The following RYR3 variants were observed in gnomAD, a reference collection of about 807,000 sequenced individuals.
The protein encoded by RYR3 is brain ryanodine receptor-calcium release channel.
Under a neutral mutation model 584.3 loss-of-function variants are expected in RYR3, and 207 were observed. The ratio of observed to expected loss-of-function variants is 0.35; its 90% CI spans 0.32 to 0.40. The LOEUF is 0.40. RYR3 is among the 10% of genes least tolerant of loss of function. RYR3 has a pLI of 1.00. For synonymous variants in RYR3, 2,416 were observed against 2,248.5 expected, an observed-to-expected ratio of 1.07 and a Z score of -2.11; for missense variants, 5,616 against 6,089.2, an observed-to-expected ratio of 0.92 and a Z score of 2.59.
chr15:33,316,862 G>A (rs566126376), intron 1 of RYR3, among the ~76,000 whole-genome samples: 1 of 152,300 alleles, frequency 6.6e-6, no homozygotes, highest in African/African-American at 2.4e-5. Context: ...CTTTGTTGCG[G>A]GTCCTTCCCT....
chr15:33,704,410 G>T (rs2066536632), intron 42 of RYR3, among the ~76,000 whole-genome samples: 1 of 152,188 alleles, frequency 6.6e-6, no homozygotes, highest in South Asian at 2.1e-4. Flanking sequence ...AGAGGGAAAT[G>T]TTAGAAGTTG....
rs139547606 is a variant in RYR3 at position 33,537,695 on chromosome 15, C to T, written c.434-1655C>T. Among the ~76,000 whole-genome samples the T allele has an allele frequency of 4.5e-3, 678 of 152,248 alleles. 5 individuals carry two copies. The highest frequency in any genetic ancestry group is 9.5e-3 in the South Asian group (46 of 4,828). On this transcript the variant is annotated intron_variant, in intron 5 of 103. Transcript: ENST00000634891. ...TGCCTTGGTGTCTGAAATTCCACAG[C>T]GATGTGTCTTGGCGTGGCCTCTTTC...
intron 64 of RYR3, among the ~76,000 whole-genome samples, chr15:33,779,385 A>G (rs1339568448): frequency 6.6e-6 from 1 of 152,154 alleles, no homozygotes; most frequent in South Asian, 2.1e-4. Flanking sequence ...TATTTGTACA[A>G]AAGAGGGAAA....
At chr15:33,510,378 C>T (rs548008859) in intron 3 of RYR3, among the ~76,000 whole-genome samples, 114 of 152,324 alleles carry the variant, frequency 7.5e-4, no homozygotes, top group African/African-American at 2.6e-3. Flanking sequence ...CACGTCACTT[C>T]CTCTGGTGTG....
intron 24 of RYR3, among the ~76,000 whole-genome samples, chr15:33,633,912 C>G (rs1332048954): frequency 2.6e-5 from 4 of 152,194 alleles, no homozygotes; most frequent in Admixed American, 2.0e-4. Flanking sequence ...GCTATAGCAA[C>G]TTAAATCATG....
intron 13 of RYR3, 143 bp downstream of exon 13, chr15:33,580,287 G>A: frequency 1.4e-6 from 1 of 711,420 alleles, no homozygotes; most frequent in Non-Finnish European, 2.3e-6. Context: ...CTGGGAAATT[G>A]GAAGCCAACC....
intron 103 of RYR3, among the ~76,000 whole-genome samples, 179 bp downstream of exon 103, chr15:33,864,368 A>C (rs1345106091): frequency 6.6e-6 from 1 of 151,636 alleles, no homozygotes; most frequent in African/African-American, 2.4e-5. Context: ...CCTTCCCAAC[A>C]AACACTGACA....
At chr15:33,697,651 T>C (rs536384687) in intron 39 of RYR3, among the ~76,000 whole-genome samples, 1 of 152,260 alleles carries the variant, frequency 6.6e-6, no homozygotes, top group African/African-American at 2.4e-5. Context: ...CAGAAAGAAA[T>C]GTTTCAAAGA....
intron 1 of RYR3, among the ~76,000 whole-genome samples, chr15:33,385,710 C>CTTTTTTTTTTTTTTTTTTTT (rs10682215): frequency 7.6e-6 from 1 of 131,402 alleles, no homozygotes; most frequent in African/African-American, 2.9e-5. Flanking sequence ...TTTTTCTTTT[C>CTTTTTTTTTTTTTTTTTTTT]TTTTTTTTTT....
At chr15:33,559,803 T>C (rs1011174251) in intron 10 of RYR3, among the ~76,000 whole-genome samples, 2 of 152,092 alleles carry the variant, frequency 1.3e-5, no homozygotes, top group Non-Finnish European at 2.9e-5. Context: ...AATACTGAAA[T>C]ACTGTAATAT....
chr15:33,324,431 A>G (rs1029389282), intron 1 of RYR3, among the ~76,000 whole-genome samples: 2 of 152,160 alleles, frequency 1.3e-5, no homozygotes, highest in Admixed American at 1.3e-4. Flanking sequence ...TCCCAATCTT[A>G]TTTTGTAGAT....
chr15:33,813,240 A>G (rs1226877112), intron 73 of RYR3, among the ~76,000 whole-genome samples: 1 of 152,198 alleles, frequency 6.6e-6, no homozygotes, highest in Non-Finnish European at 1.5e-5. Flanking sequence ...TAAGTCCACT[A>G]CTGTTAGTTA....
intron 103 of RYR3, chr15:33,864,869 G>A: frequency 1.2e-5 from 5 of 427,240 alleles, no homozygotes; most frequent in Non-Finnish European, 2.1e-5. Flanking sequence ...ATGTTTAGTG[G>A]CAAACATTGA....
chr15:33,676,083 C>A (rs911928034), intron 38 of RYR3, among the ~76,000 whole-genome samples: 1 of 152,058 alleles, frequency 6.6e-6, no homozygotes, highest in African/African-American at 2.4e-5. Context: ...ATCAGGAAAT[C>A]TCGATTATTG....
rs2070236090 is a variant in RYR3 at position 33,742,396 on chromosome 15, C to T, written c.7851C>T (p.Ile2617=). The T allele has an allele frequency of 1.9e-6, 3 of 1,612,954 alleles. No homozygotes were observed. Among genetic ancestry groups the T allele is most frequent in the South Asian group, 1.1e-5 (1 of 91,056 alleles). Residue 2617 remains isoleucine, a synonymous_variant, in exon 52 of 104, where the codon ATC becomes ATT. Transcript: ENST00000634891. The part of the protein sequence containing the change: ...NFSLPEKLEY[I]VTKYAEHSHD... ...CCTTGCCTGAAAAATTGGAATACAT[C>T]GTCACCAAGTATGCTGAGCATTCAC...
Position 33,336,483 on chromosome 15 carries a change from AG to A in RYR3, c.51+25388del, listed in dbSNP as rs1405146855. ...GAGAGAGAGAGAGAGAGAGAGAGAG[AG>A]AGAAAGAAAGAAAGAAAGAAGGAGG... On this transcript the variant is annotated intron_variant, in intron 1 of 103. Transcript: ENST00000634891. Among the ~76,000 whole-genome samples, 17 of 43,888 alleles carry A rather than the reference AG, an allele frequency of 3.9e-4. 3 individuals carry two copies. The highest frequency in any genetic ancestry group is 6.0e-4 in the Admixed American group (3 of 4,982). The allele number at this position is 43,888 out of a possible 152,430, so 28.8% of individuals were successfully genotyped here.
intron 43 of RYR3, among the ~76,000 whole-genome samples, chr15:33,708,243 T>C (rs2066857037): frequency 6.6e-6 from 1 of 152,166 alleles, no homozygotes; most frequent in Non-Finnish European, 1.5e-5. Flanking sequence ...TGTGGGTGTA[T>C]GAAATGGATA....
In RYR3 at chr15:33,311,207, G is replaced by A. The variant is rs531514299; in HGVS notation, c.51+111G>A. 3.4e-4 allele frequency: 271 copies of A among 787,782 alleles called. No individual in the cohort carries two copies. The highest frequency in any genetic ancestry group is 1.4e-3 in the East Asian group (39 of 28,470). The allele number at this position is 787,782 out of a possible 1,614,324, so 48.8% of individuals were successfully genotyped here. A position where few individuals can be genotyped will look rare whatever the true frequency, so the allele number is the denominator to read the frequency against. On this transcript the variant is annotated intron_variant, in intron 1 of 103. Transcript: ENST00000634891. The surrounding 1 kb of genome is among the most constrained non-coding windows in gnomAD (Gnocchi z 4.4). ...CGGTGCCGGGTGCCCGGTGCCGGGC[G>A]CTTTCTCCGCACCCGCGGGCTGCAG...
Position 33,710,516 on chromosome 15 carries a change from C to G in RYR3, c.6619+3462C>G, listed in dbSNP as rs144425827. Among the ~76,000 whole-genome samples the G allele has an allele frequency of 5.4e-3, 820 of 152,088 alleles. 6 individuals carry two copies. Among genetic ancestry groups the G allele is most frequent in the African/African-American group, 0.019 (785 of 41,500 alleles). On this transcript the variant is annotated intron_variant, in intron 43 of 103. Coordinates refer to ENST00000634891, the MANE Select transcript of RYR3 (RefSeq NM_001036.6). ...GCCAGTGGCTCTACCATCCTGGGGT[C>G]TGGAGGGTGGCTCCCCACAGCTCCA...
Sources: gnomAD v4.1 joint callset for allele counts (sites outside exome capture counted in the v4.1 genomes callset) on GRCh38, gnomAD v4.1.1 for gene constraint, Gnocchi (gnomAD v3.1) non-coding constraint, MANE v1.5 for transcripts, NCBI Gene and HGNC (gene_info 2026-07-23, HGNC 2026-07-21) for gene names.